Variants in ARHGAP15 observed in about 807,000 individuals in gnomAD.
ARHGAP15 encodes rho GTPase-activating protein 15.
ARHGAP15 carries 51 observed loss-of-function variants against 63.7 expected under a neutral mutation model. The ratio of observed to expected loss-of-function variants is 0.80; its 90% CI spans 0.64 to 1.01. The LOEUF (loss-of-function observed/expected upper bound fraction) is 1.01. ARHGAP15 is among the 50% of genes least tolerant of loss of function. ARHGAP15 has a pLI of 0.00. For missense variants in ARHGAP15, 560 were observed against 564.6 expected (o/e 0.99, Z 0.08); for synonymous variants, 191 against 193.8 (o/e 0.99, Z 0.12).
At chr2:143,175,219 C>T (rs948561335) in intron 2 of ARHGAP15, among the ~76,000 whole-genome samples, 1 of 152,142 alleles carries the variant, frequency 6.6e-6, no homozygotes, top group Non-Finnish European at 1.5e-5. Flanking sequence ...TGGGAAGACT[C>T]TAGCCTGACC....
intron 11 of ARHGAP15, chr2:143,601,542 G>A (rs1229046292): frequency 6.6e-6 from 1 of 152,150 alleles, no homozygotes; most frequent in Non-Finnish European, 1.5e-5. Context: ...TTATTCTGAT[G>A]AAGTGGATTG....
At chr2:143,234,105 T>C (rs1233581410) in intron 5 of ARHGAP15, among the ~76,000 whole-genome samples, 1 of 152,222 alleles carries the variant, frequency 6.6e-6, no homozygotes, top group African/African-American at 2.4e-5. Context: ...TTGCAAATAA[T>C]TTCTCTTTAG....
chr2:143,240,237 T>A (rs1362112171), intron 5 of ARHGAP15, among the ~76,000 whole-genome samples: 1 of 151,778 alleles, frequency 6.6e-6, no homozygotes, highest in Non-Finnish European at 1.5e-5. Context: ...TAAAAAATAT[T>A]GTTTACTTTC....
chr2:143,738,529 C>G (rs1044839593), intron 13 of ARHGAP15, among the ~76,000 whole-genome samples: 2 of 152,330 alleles, frequency 1.3e-5, no homozygotes, highest in East Asian at 3.9e-4. Flanking sequence ...CCGGGCCTCT[C>G]TTCGAACATC....
At chr2:143,704,156 A>G (rs1429026531) in intron 13 of ARHGAP15, among the ~76,000 whole-genome samples, 1 of 152,188 alleles carries the variant, frequency 6.6e-6, no homozygotes, top group Non-Finnish European at 1.5e-5. Context: ...TCACACTAGC[A>G]TCAGATCACA....
chr2:143,214,100 T>C (rs2105139427), intron 3 of ARHGAP15, among the ~76,000 whole-genome samples: 1 of 152,356 alleles, frequency 6.6e-6, no homozygotes, highest in East Asian at 1.9e-4. Flanking sequence ...ATAATTTATC[T>C]TTGTGGGTAG....
rs1689957969 is a variant in ARHGAP15 at position 143,153,843 on chromosome 2, T to TTCTTCCTCTTCCTCCTCCTCC, written c.-14-1632_-14-1631insTTCCTCTTCCTCCTCCTCCTC. Among the ~76,000 whole-genome samples, 36 of 86,892 alleles carry TTCTTCCTCTTCCTCCTCCTCC rather than the reference T, an allele frequency of 4.1e-4. 5 individuals are homozygous for TTCTTCCTCTTCCTCCTCCTCC. Among genetic ancestry groups the TTCTTCCTCTTCCTCCTCCTCC allele is most frequent in the South Asian group, 1.9e-3 (4 of 2,066 alleles). The allele number at this position is 86,892 out of a possible 152,430, so 57.0% of individuals were successfully genotyped here. ...CTTCTTCTTCTTCTTCTTCTTCTTCTTCCTCCTCCTCCTCCTCCTCCTCCT... is the reference window on the plus strand; with the variant it reads ...CTTCTTCTTCTTCTTCTTCTTCTTCTTCTTCCTCTTCCTCCTCCTCCTCCTCCTCCTCCTCCTCCTCCTCCT... On this transcript the variant is annotated intron_variant, in intron 1 of 13. Transcript: ENST00000295095.
intron 10 of ARHGAP15, among the ~76,000 whole-genome samples, chr2:143,542,549 A>G (rs371860361): frequency 6.6e-6 from 1 of 150,568 alleles, no homozygotes; most frequent in African/African-American, 2.4e-5. Flanking sequence ...TTAATGGCTG[A>G]ATAGTATTCC....
intron 11 of ARHGAP15, among the ~76,000 whole-genome samples, chr2:143,589,874 A>G (rs1697255392): frequency 6.6e-6 from 1 of 152,174 alleles, no homozygotes; most frequent in Non-Finnish European, 1.5e-5. Flanking sequence ...TAAATAGGTG[A>G]AATGTATTTT....
intron 2 of ARHGAP15, among the ~76,000 whole-genome samples, chr2:143,186,116 A>G (rs1691437646): frequency 6.6e-6 from 1 of 152,176 alleles, no homozygotes; most frequent in Admixed American, 6.5e-5. Context: ...TGTGTCTTTC[A>G]TTGTGGCTAG....
chr2:143,527,420 T>C (rs980897056), intron 10 of ARHGAP15, among the ~76,000 whole-genome samples: 9 of 152,026 alleles, frequency 5.9e-5, no homozygotes, highest in African/African-American at 2.2e-4. Flanking sequence ...TTTATTTTCT[T>C]GTTTTATCTC....
chr2:143,228,462 A>C (rs1023789130), intron 4 of ARHGAP15, 119 bp from the exon 5 acceptor site: 5 of 522,924 alleles, frequency 9.6e-6, no homozygotes, highest in Non-Finnish European at 1.3e-5. Flanking sequence ...GGAGACTTTT[A>C]GCAAGACTGT....
At chr2:143,590,654 G>A (rs1274907628) in intron 11 of ARHGAP15, among the ~76,000 whole-genome samples, 1 of 152,026 alleles carries the variant, frequency 6.6e-6, no homozygotes, top group Non-Finnish European at 1.5e-5. Flanking sequence ...AATCCTTCCA[G>A]AATCGCCTTC....
intron 2 of ARHGAP15, among the ~76,000 whole-genome samples, chr2:143,178,827 G>A (rs1291674186): frequency 6.6e-6 from 1 of 152,160 alleles, no homozygotes; most frequent in Non-Finnish European, 1.5e-5. Flanking sequence ...TACATTTTGA[G>A]TTTGATTGTT....
chr2:143,661,666 G>A (rs902346971), intron 12 of ARHGAP15, among the ~76,000 whole-genome samples: 15 of 152,190 alleles, frequency 9.9e-5, no homozygotes, highest in East Asian at 3.9e-4. Context: ...GAGGTACCGG[G>A]TTCATCTCAC....
At chr2:143,623,187 T>TAAAA in intron 11 of ARHGAP15, among the ~76,000 whole-genome samples, 1 of 152,338 alleles carries the variant, frequency 6.6e-6, no homozygotes, top group African/African-American at 2.4e-5. Context: ...CGCTTCCTTT[T>TAAAA]AATTTTATGT....
At chr2:143,255,938 C>T (rs1680403114) in intron 6 of ARHGAP15, among the ~76,000 whole-genome samples, 1 of 152,104 alleles carries the variant, frequency 6.6e-6, no homozygotes, top group Non-Finnish European at 1.5e-5. Flanking sequence ...ATTTCATCTA[C>T]CTATTAGATA....
chr2:143,574,722 A>G (rs796090541), intron 11 of ARHGAP15, among the ~76,000 whole-genome samples: 8 of 152,278 alleles, frequency 5.3e-5, no homozygotes, highest in African/African-American at 1.9e-4. Flanking sequence ...CCATGCCCCC[A>G]TTAGCTAGAA....
chr2:143,370,791 T>C (rs985209210), intron 6 of ARHGAP15, among the ~76,000 whole-genome samples: 4 of 152,200 alleles, frequency 2.6e-5, no homozygotes, highest in Non-Finnish European at 5.9e-5. Flanking sequence ...TGATGTGTGG[T>C]ATTTGAGACA....
Sources: allele counts gnomAD v4.1 joint callset (sites outside exome capture counted in the v4.1 genomes callset), GRCh38; gene constraint gnomAD v4.1.1; transcripts MANE v1.5; gene names NCBI Gene and HGNC (gene_info 2026-07-23, HGNC 2026-07-21).